The following TLK2 variants were observed in gnomAD, a reference collection of about 807,000 sequenced individuals.
TLK2 encodes serine/threonine-protein kinase tousled-like 2.
In TLK2, 6 loss-of-function variants were observed where a neutral mutation model predicts 117.3. The observed-to-expected ratio is 0.05, with a 90% CI of 0.03 to 0.10. The LOEUF (loss-of-function observed/expected upper bound fraction) is 0.10. Among genes scored for constraint, TLK2 ranks in the 10% least tolerant of loss-of-function variants. TLK2 has a pLI of 1.00. For missense variants in TLK2, 299 were observed against 901.2 expected (o/e 0.33, Z 8.56); for synonymous variants, 257 against 316.7 (o/e 0.81, Z 2.00).
At chr17:62,478,821 G>T (rs1440091889), upstream of TLK2, among the ~76,000 whole-genome samples, 1 of 138,062 alleles carries the variant, frequency 7.2e-6, no homozygotes, top group African/African-American at 2.6e-5. Flanking sequence ...TGTTTACACC[G>T]ATCACTACTA....
intron 11 of TLK2, among the ~76,000 whole-genome samples, chr17:62,572,605 A>G (rs991466899): frequency 2.2e-4 from 34 of 152,324 alleles, no homozygotes; most frequent in South Asian, 1.0e-3. Context: ...TAGTTGGAAG[A>G]CTTCGTTGTG....
At chr17:62,511,958 G>A (rs780061834) in intron 2 of TLK2, among the ~76,000 whole-genome samples, 3 of 152,162 alleles carry the variant, frequency 2.0e-5, no homozygotes, top group Non-Finnish European at 4.4e-5. Context: ...CAAATGATAA[G>A]TTTTAAGTGC....
intron 10 of TLK2, among the ~76,000 whole-genome samples, chr17:62,562,670 T>A (rs2079389868): frequency 6.6e-6 from 1 of 152,186 alleles, no homozygotes; most frequent in Non-Finnish European, 1.5e-5. Context: ...CAAGGGTTGG[T>A]GAAGATGAGG....
At chr17:62,489,769 T>C (rs946554766) in intron 2 of TLK2, among the ~76,000 whole-genome samples, 3 of 152,246 alleles carry the variant, frequency 2.0e-5, no homozygotes, top group African/African-American at 7.2e-5. Flanking sequence ...TTGTTACAAT[T>C]GATGATACGT....
At chr17:62,473,626 G>A (rs192299997) in intron 1 of TLK2, among the ~76,000 whole-genome samples, 18 of 152,298 alleles carry the variant, frequency 1.2e-4, no homozygotes, top group African/African-American at 2.9e-4. Flanking sequence ...AGCAATCTGC[G>A]TTTGAACAAG....
intron 1 of TLK2, among the ~76,000 whole-genome samples, chr17:62,480,024 C>A (rs537530326): frequency 6.6e-6 from 1 of 152,362 alleles, no homozygotes; most frequent in Non-Finnish European, 1.5e-5. Flanking sequence ...CTCTAACCTG[C>A]ACTTGCATGT....
chr17:62,471,888 C>CTT (rs869092720), intron 1 of TLK2, among the ~76,000 whole-genome samples: 11,846 of 37,518 alleles, frequency 0.32, 5,112 homozygotes, highest in Middle Eastern at 0.45. Context: ...GTAGTATAGT[C>CTT]TTTTTTTTTT....
chr17:62,535,578 C>T (rs1162782502), intron 6 of TLK2, among the ~76,000 whole-genome samples: 1 of 151,730 alleles, frequency 6.6e-6, no homozygotes, highest in Non-Finnish European at 1.5e-5. Context: ...ACCAGCCTGG[C>T]CAACATGGTG....
intron 2 of TLK2, among the ~76,000 whole-genome samples, chr17:62,494,932 G>T (rs888302497): frequency 3.9e-5 from 6 of 152,094 alleles, no homozygotes; most frequent in Non-Finnish European, 8.8e-5. Flanking sequence ...TTGGGAGACC[G>T]AGGCAGGTGA....
intron 11 of TLK2, among the ~76,000 whole-genome samples, chr17:62,568,872 C>T (rs922857529): frequency 2.0e-5 from 3 of 152,012 alleles, no homozygotes; most frequent in African/African-American, 4.8e-5. Context: ...AAGCAATTTA[C>T]GTCAAACCAT....
chr17:62,579,671 A>C (rs1420518522), intron 14 of TLK2, among the ~76,000 whole-genome samples: 1 of 152,368 alleles, frequency 6.6e-6, no homozygotes, highest in African/African-American at 2.4e-5. Context: ...CATGTGACTC[A>C]CTTTAAAATC....
chr17:62,534,689 T>C (rs1305716684), intron 6 of TLK2, among the ~76,000 whole-genome samples: 2 of 152,062 alleles, frequency 1.3e-5, no homozygotes, highest in Non-Finnish European at 1.5e-5. Context: ...TAATTTCTAA[T>C]ATTTTTACTT....
intron 15 of TLK2, among the ~76,000 whole-genome samples, chr17:62,583,259 T>G (rs80167149): frequency 6.6e-6 from 1 of 151,862 alleles, no homozygotes; most frequent in East Asian, 1.9e-4. Flanking sequence ...AGCCCAGCTA[T>G]TTTTTTTGTA....
intron 7 of TLK2, chr17:62,549,882 C>T (rs1264924976): frequency 6.0e-5 from 9 of 148,962 alleles, no homozygotes; most frequent in African/African-American, 2.2e-4. Flanking sequence ...GTTGGCCAGG[C>T]TGGTCTTCAA....
rs751397791 is a variant in TLK2, at chr17:62,586,223, A to ACAAGTAAGTGATACTTGAGTGTCTG, written c.1458_1460+22dup. 1.2e-6 allele frequency: 2 copies of ACAAGTAAGTGATACTTGAGTGTCTG among 1,607,298 alleles called. No homozygotes were observed. Among genetic ancestry groups the ACAAGTAAGTGATACTTGAGTGTCTG allele is most frequent in the South Asian group, 1.1e-5 (1 of 90,824 alleles). ...AGAGATGAGAAAAAGGAGAATTACC[A>ACAAGTAAGTGATACTTGAGTGTCTG]CAAGTAAGTGATACTTGAGTGTCTG... On this transcript the variant is annotated stop_gained and frameshift_variant, in exon 16 of 22. Coordinates refer to ENST00000346027, the MANE Select transcript of TLK2 (RefSeq NM_006852.6). LOFTEE classifies it high-confidence loss of function.
intron 16 of TLK2, among the ~76,000 whole-genome samples, chr17:62,590,705 C>T (rs2082012221): frequency 6.6e-6 from 1 of 152,114 alleles, no homozygotes; most frequent in African/African-American, 2.4e-5. Flanking sequence ...TCTTTAACTC[C>T]TGGGCTCAAG....
chr17:62,508,687 C>A, intron 2 of TLK2: 2 of 616,610 alleles, frequency 3.2e-6, no homozygotes, highest in Non-Finnish European at 4.1e-6. Context: ...AGAATAGGGG[C>A]CGGGCGTGGT....
intron 9 of TLK2, 122 bp downstream of exon 9, chr17:62,553,877 T>C: frequency 1.5e-6 from 1 of 656,122 alleles, no homozygotes; most frequent in Non-Finnish European, 2.6e-6. Context: ...AACATTTGGG[T>C]ATTTTTCTTT....
chr17:62,555,240 A>G (rs2078765920), intron 9 of TLK2, among the ~76,000 whole-genome samples: 1 of 152,104 alleles, frequency 6.6e-6, no homozygotes, highest in African/African-American at 2.4e-5. Flanking sequence ...AGTCTTTCTT[A>G]CTAGGCTTTG....
Sources: allele counts gnomAD v4.1 joint callset (sites outside exome capture counted in the v4.1 genomes callset), GRCh38; gene constraint gnomAD v4.1.1; transcripts MANE v1.5; gene names NCBI Gene and HGNC (gene_info 2026-07-23, HGNC 2026-07-21).